Variants in FASTKD2 observed in about 807,000 individuals in gnomAD.
FASTKD2 encodes FAST kinase domain-containing protein 2, mitochondrial.
FASTKD2 carries 51 observed loss-of-function variants against 63.6 expected under a neutral mutation model. The observed-to-expected ratio is 0.80, with a 90% CI of 0.64 to 1.01. The LOEUF (loss-of-function observed/expected upper bound fraction) is 1.01, where lower values mean the gene tolerates loss of function less well. Ranked by LOEUF, FASTKD2 falls within the 50% of genes least tolerant of loss-of-function variation. The probability of loss-of-function intolerance (pLI) is 0.00; values close to 1 mark genes in which losing one functional copy is unlikely to be tolerated. For missense variants in FASTKD2, 786 were observed against 831.1 expected (o/e 0.95, Z 0.67); for synonymous variants, 284 against 293.4 (o/e 0.97, Z 0.33).
At position 206,788,829 on chromosome 2, in the gene FASTKD2, C is replaced by T. The variant is rs771708532; in HGVS notation, c.1824C>T (p.Ile608=). 6.5e-7 allele frequency: 1 copy of T among 1,527,158 alleles called. No homozygotes were observed. Among genetic ancestry groups the T allele is most frequent in the South Asian group, 1.1e-5 (1 of 89,176 alleles). 94.6% of individuals were successfully genotyped at this position (1,527,158 alleles called of 1,614,324 possible). A position where few individuals can be genotyped will look rare whatever the true frequency, so the allele number is the denominator to read the frequency against. ...ATTCTTTCCTTTCAGATTTTGAAAT[C>T]AGAATGGACACTAACAGGAATCAAG... ...LPHNYHIDFE[I]RMDTNRNQVL... is the part of the protein sequence containing the mutation. Residue 608 remains isoleucine (I), a synonymous_variant, in exon 10 of 12, where the codon ATC becomes ATT. Coordinates refer to ENST00000402774, the MANE Select transcript of FASTKD2 (RefSeq NM_001136193.2).
In FASTKD2 at chr2:206,790,594, A is replaced by G; in HGVS notation, c.1921A>G (p.Arg641Gly). Residue 641 changes from arginine to glycine, a missense_variant, in exon 11 of 12, where the codon AGA becomes GGA. Transcript: ENST00000402774. ...IQRVAVLCVS[R>G]SAYCLGSSHP... ...CAGAGTAGCTGTGCTATGTGTTTCC[A>G]GATCTGCTTATTGTTTGGGTTCAAG... 6.2e-7 allele frequency: 1 copy of G among 1,610,190 alleles called. No homozygotes were observed. The highest frequency in any genetic ancestry group is 1.7e-5 in the Admixed American group (1 of 60,002).
rs769518431 is a variant in FASTKD2 at position 206,771,891 on chromosome 2, T to C, written c.991-3T>C. ...ATTAAATTAAAATTTGTTTTTTCTTTAGATGAAAGCCTTGAGGGAATTAGA... is the reference window on the plus strand; with the variant it reads ...ATTAAATTAAAATTTGTTTTTTCTTCAGATGAAAGCCTTGAGGGAATTAGA... On this transcript the variant is annotated splice_polypyrimidine_tract_variant and splice_region_variant and intron_variant, in intron 4 of 11. Coordinates refer to ENST00000402774, the MANE Select transcript of FASTKD2 (RefSeq NM_001136193.2). 6.3e-7 allele frequency: 1 copy of C among 1,596,264 alleles called. No individual in the cohort carries two copies.
chr2:206,769,557 A>C (rs1436832583), intron 2 of FASTKD2, among the ~76,000 whole-genome samples: 2 of 152,216 alleles, frequency 1.3e-5, no homozygotes, highest in African/African-American at 2.4e-5. Flanking sequence ...GCTTCCCTTG[A>C]GACCCAGATA....
At chr2:206,778,051 T>G (rs1033052557) in intron 7 of FASTKD2, among the ~76,000 whole-genome samples, 1 of 152,090 alleles carries the variant, frequency 6.6e-6, no homozygotes, top group African/African-American at 2.4e-5. Context: ...TTTCTTTTTT[T>G]GTCAGTCTAG....
At chr2:206,783,524 G>A (rs997518355) in intron 7 of FASTKD2, among the ~76,000 whole-genome samples, 14 of 151,956 alleles carry the variant, frequency 9.2e-5, no homozygotes, top group African/African-American at 3.1e-4. Context: ...TTGATGCCTT[G>A]TACTTTCTAG....
In FASTKD2 at chr2:206,796,068, G is replaced by A. The variant is rs80251300; in HGVS notation, c.*4266G>A. Among the ~76,000 whole-genome samples, 1,299 of 152,300 alleles carry A rather than the reference G, an allele frequency of 8.5e-3. 15 individuals carry two copies. Among genetic ancestry groups the A allele is most frequent in the African/African-American group, 0.029 (1,220 of 41,560 alleles). Reference sequence around the variant, plus strand: ...CCAGAAACTAACAAAAGCACATTGTGTCTAAACTAGGTTGCAGTGGTTTCT... The same window carrying A: ...CCAGAAACTAACAAAAGCACATTGTATCTAAACTAGGTTGCAGTGGTTTCT... On this transcript the variant is annotated 3_prime_UTR_variant, in exon 12 of 12. Coordinates refer to ENST00000402774, the MANE Select transcript of FASTKD2 (RefSeq NM_001136193.2).
At chr2:206,787,881 T>C (rs1370220257) in intron 8 of FASTKD2, 56 bp from the exon 9 acceptor site, 1 of 921,684 alleles carries the variant, frequency 1.1e-6, no homozygotes, top group Non-Finnish European at 1.8e-6. Flanking sequence ...CTAATATAGT[T>C]TTTTAATGTT....
chr2:206,772,347 G>A (rs1241021473), intron 6 of FASTKD2, 27 bp downstream of exon 6: 15 of 1,608,842 alleles, frequency 9.3e-6, no homozygotes, highest in Middle Eastern at 1.7e-4. Context: ...TTTAGAATAA[G>A]CCTCACAAAC....
chr2:206,767,966 G>GCTGAAGCA (rs1559358766), intron 2 of FASTKD2, among the ~76,000 whole-genome samples: 1 of 152,214 alleles, frequency 6.6e-6, no homozygotes, highest in East Asian at 1.9e-4. Flanking sequence ...GTTTGGTGTA[G>GCTGAAGCA]CTGAAGCACA....
intron 7 of FASTKD2, among the ~76,000 whole-genome samples, chr2:206,778,186 C>T (rs1033795945): frequency 7.3e-5 from 11 of 151,474 alleles, no homozygotes; most frequent in Non-Finnish European, 8.8e-5. Context: ...CTTCTGCTAA[C>T]TTTGGGCCTA....
chr2:206,767,058 C>T lies in FASTKD2; in HGVS notation c.365C>T (p.Pro122Leu), dbSNP rs1689525415. The T allele has an allele frequency of 6.2e-7, 1 of 1,614,042 alleles. No homozygotes were observed. Among genetic ancestry groups the T allele is most frequent in the Non-Finnish European group, 8.5e-7 (1 of 1,179,932 alleles). Residue 122 changes from proline to leucine, a missense_variant, in exon 2 of 12, where the codon CCT (proline) becomes CTT (leucine). Pro to Leu is a moderately conservative substitution (Grantham distance 98, BLOSUM62 -3). Coordinates refer to ENST00000402774, the MANE Select transcript of FASTKD2 (RefSeq NM_001136193.2). ...LFFDSKQSLV[P>L]VDKSDDELKK... ...TTTGACTCAAAGCAGTCTCTTGTCC[C>T]TGTTGATAAATCTGATGATGAATTG... is the stretch of plus-strand genomic sequence containing the variant.
chr2:206,770,249 G>A (rs1167321777), intron 3 of FASTKD2, 55 bp downstream of exon 3: 2 of 1,151,040 alleles, frequency 1.7e-6, no homozygotes, highest in Non-Finnish European at 2.6e-6. Context: ...TCATATATCT[G>A]GAATAAAAAA....
At chr2:206,787,161 A>G (rs1351627584) in intron 8 of FASTKD2, among the ~76,000 whole-genome samples, 2 of 152,202 alleles carry the variant, frequency 1.3e-5, no homozygotes, top group South Asian at 2.1e-4. Flanking sequence ...TTTATACTCT[A>G]TCCTTCTATA....
chr2:206,784,675 C>T (rs546102844), intron 7 of FASTKD2, among the ~76,000 whole-genome samples: 1 of 152,272 alleles, frequency 6.6e-6, no homozygotes, highest in Admixed American at 6.5e-5. Flanking sequence ...TGCATATGGT[C>T]ACTGCACATC....
rs377345149 is a variant in FASTKD2 at position 206,788,047 on chromosome 2, C to A, written c.1705C>A (p.Leu569Met). ...GTCACTCCCACAGCTGCCGCGGGAG[C>A]TGCCATCGTCACATACAAATGCAAA... is the stretch of plus-strand genomic sequence containing the variant. ...ALSLPQLPRELPSSHTNAKVA... is the reference protein window; with the variant it reads ...ALSLPQLPREMPSSHTNAKVA... Residue 569 changes from leucine to methionine, a missense_variant, in exon 9 of 12, where the codon CTG becomes ATG. Leu to Met is a conservative substitution (Grantham distance 15). Transcript: ENST00000402774. The A allele has an allele frequency of 6.2e-7, 1 of 1,613,476 alleles. No individual in the cohort carries two copies. The highest frequency in any genetic ancestry group is 8.5e-7 in the Non-Finnish European group (1 of 1,179,590).
intron 9 of FASTKD2, 71 bp downstream of exon 9, chr2:206,788,226 G>A: frequency 9.2e-7 from 1 of 1,088,446 alleles, no homozygotes; most frequent in South Asian, 1.4e-5. Context: ...CAAAAAAATA[G>A]GTATTTGTGG....
chr2:206,766,670 A>G lies in FASTKD2; in HGVS notation c.-24A>G, dbSNP rs977779943. ...AAAACGACAGCACGTGTTCTTTTTC[A>G]CTAGTAGAAGTGACGTTGGTTTCAT... is the stretch of plus-strand genomic sequence containing the variant. On this transcript the variant is annotated 5_prime_UTR_variant, in exon 2 of 12. Coordinates refer to ENST00000402774, the MANE Select transcript of FASTKD2 (RefSeq NM_001136193.2). The G allele has an allele frequency of 2.5e-6, 4 of 1,608,040 alleles. No individual in the cohort carries two copies. The highest frequency in any genetic ancestry group is 1.3e-5 in the African/African-American group (1 of 74,776).
intron 2 of FASTKD2, among the ~76,000 whole-genome samples, chr2:206,769,463 C>T (rs1689608998): frequency 6.6e-6 from 1 of 152,186 alleles, no homozygotes; most frequent in Admixed American, 6.5e-5. Flanking sequence ...TTACTATTCA[C>T]TTTCCAGATT....
chr2:206,791,686 A>G lies in FASTKD2; in HGVS notation c.2017A>G (p.Asn673Asp), dbSNP rs1324620106. The part of the protein sequence containing the change: ...NAMGFHVILV[N>D]NWEMDKLEME... The stretch of plus-strand genomic sequence containing the variant: ...ATTTTCCTCTTTCTTTGGTAAGGTC[A>G]ATAACTGGGAGATGGACAAACTAGA... The change falls in exon 12 of 12, where the codon AAT (asparagine) becomes GAT (aspartate). Residue 673 changes from asparagine (N) to aspartate (D), a missense_variant. Coordinates refer to ENST00000402774, the MANE Select transcript of FASTKD2 (RefSeq NM_001136193.2). The G allele has an allele frequency of 6.2e-7, 1 of 1,612,928 alleles. No individual in the cohort carries two copies. The highest frequency in any genetic ancestry group is 8.5e-7 in the Non-Finnish European group (1 of 1,179,152).
Sources: gnomAD v4.1 joint callset for allele counts (sites outside exome capture counted in the v4.1 genomes callset) on GRCh38, gnomAD v4.1.1 for gene constraint, MANE v1.5 for transcripts, NCBI Gene and HGNC (gene_info 2026-07-23, HGNC 2026-07-21) for gene names.